Variants in RASGRF2 observed in about 807,000 individuals in gnomAD.
The protein encoded by RASGRF2 is ras-specific guanine nucleotide-releasing factor 2.
A neutral mutation model predicts 151.0 loss-of-function variants in RASGRF2; 76 were observed. The observed-to-expected ratio is 0.50, with a 90% confidence interval of 0.42 to 0.61. The LOEUF is 0.61. RASGRF2 is among the 20% of genes least tolerant of loss of function. The probability of loss-of-function intolerance (pLI) is 0.00; values close to 1 mark genes in which losing one functional copy is unlikely to be tolerated. For synonymous variants in RASGRF2, 504 were observed against 566.5 expected (o/e 0.89, Z 1.57); for missense variants, 1,148 against 1,564.6 (o/e 0.73, Z 4.49).
At chr5:81,097,213 G>A (rs576594236) in intron 12 of RASGRF2, among the ~76,000 whole-genome samples, 2 of 152,028 alleles carry the variant, frequency 1.3e-5, no homozygotes, top group African/African-American at 2.4e-5. Flanking sequence ...CTCCCGCCTC[G>A]GCCTCCCAAA....
chr5:81,136,934 G>A (rs368094432), intron 17 of RASGRF2, among the ~76,000 whole-genome samples: 1 of 151,650 alleles, frequency 6.6e-6, no homozygotes, highest in African/African-American at 2.4e-5. Context: ...CCGTGTCTGT[G>A]TTTTTTTATG....
chr5:81,144,162 G>A (rs1265259874), intron 17 of RASGRF2, among the ~76,000 whole-genome samples: 1 of 152,210 alleles, frequency 6.6e-6, no homozygotes, highest in East Asian at 1.9e-4. Context: ...TTAAAAGGAT[G>A]TGACAAGCTT....
chr5:81,162,549 T>C (rs149398949), intron 17 of RASGRF2, among the ~76,000 whole-genome samples: 1 of 148,918 alleles, frequency 6.7e-6, no homozygotes, highest in African/African-American at 2.5e-5. Context: ...GGTTTCACCA[T>C]TTTGGTCAGG....
rs145295769 is a variant in RASGRF2, at chr5:81,213,237, GCT to G, written c.3354+675_3354+676del. Among the ~76,000 whole-genome samples, 246 of 152,222 alleles carry G rather than the reference GCT, an allele frequency of 1.6e-3. 1 individual carries two copies. Among genetic ancestry groups the G allele is most frequent in the African/African-American group, 5.8e-3 (242 of 41,526 alleles). ...TTTGCTGATGATTCATTGGGTACAG[GCT>G]GCTGTGAATTGCCTGTACCTGGTGT... is the stretch of plus-strand genomic sequence containing the variant. On this transcript the variant is annotated intron_variant, in intron 23 of 26. Coordinates refer to ENST00000265080, the MANE Select transcript of RASGRF2 (RefSeq NM_006909.3).
intron 23 of RASGRF2, among the ~76,000 whole-genome samples, chr5:81,214,806 C>T (rs1394042865): frequency 6.6e-6 from 1 of 152,222 alleles, no homozygotes; most frequent in African/African-American, 2.4e-5. Flanking sequence ...GCCACCCTAC[C>T]ACTCTCCTAT....
chr5:81,143,628 A>G (rs1753935755), intron 17 of RASGRF2, among the ~76,000 whole-genome samples: 1 of 152,042 alleles, frequency 6.6e-6, no homozygotes, highest in Admixed American at 6.5e-5. Flanking sequence ...ACGGTGGTGC[A>G]CGCCTATAAT....
chr5:81,050,075 C>G (rs73127143), intron 2 of RASGRF2, among the ~76,000 whole-genome samples: 2,607 of 152,256 alleles, frequency 0.017, 53 homozygotes, highest in African/African-American at 0.059. Context: ...TCCCCTGACC[C>G]CAGCCTAACT....
intron 1 of RASGRF2, among the ~76,000 whole-genome samples, chr5:81,020,918 G>C (rs907345117): frequency 2.0e-5 from 3 of 152,186 alleles, no homozygotes; most frequent in African/African-American, 7.2e-5. Context: ...AGGAAACTCA[G>C]GTTCCAAAAG....
intron 19 of RASGRF2, among the ~76,000 whole-genome samples, chr5:81,202,131 T>C (rs542283685): frequency 2.6e-5 from 4 of 152,140 alleles, no homozygotes; most frequent in Non-Finnish European, 5.9e-5. Context: ...GGATTTTTTT[T>C]TTGTCCACTC....
At position 81,113,835 on chromosome 5, in the gene RASGRF2, A is replaced by C; in HGVS notation, c.2385A>C (p.Pro795=). Residue 795 remains proline, a synonymous_variant, in exon 15 of 27, where the codon CCA becomes CCC. Transcript: ENST00000265080. ...PLDLSRGLSS[P]EQSPGTVEEN... ...ATCTCAGCAGAGGCCTCTCTTCTCCAGAGCAAAGCCCGGGAACGGTAGAAG... is the reference window on the plus strand; with the variant it reads ...ATCTCAGCAGAGGCCTCTCTTCTCCCGAGCAAAGCCCGGGAACGGTAGAAG... 1 of 1,614,216 alleles carries C rather than the reference A, an allele frequency of 6.2e-7. No individual in the cohort carries two copies. The highest frequency in any genetic ancestry group is 8.5e-7 in the Non-Finnish European group (1 of 1,180,020).
intron 1 of RASGRF2, among the ~76,000 whole-genome samples, chr5:81,029,221 G>T (rs1002277724): frequency 6.6e-6 from 1 of 152,214 alleles, no homozygotes; most frequent in African/African-American, 2.4e-5. Flanking sequence ...CACCTCTGAG[G>T]GCAGGGCATA....
intron 1 of RASGRF2, among the ~76,000 whole-genome samples, chr5:81,039,101 A>T (rs1202140159): frequency 6.6e-6 from 1 of 152,154 alleles, no homozygotes; most frequent in Non-Finnish European, 1.5e-5. Context: ...TTACTTTCTA[A>T]AAGTTTTAAA....
chr5:81,011,465 G>A (rs890084337), intron 1 of RASGRF2, among the ~76,000 whole-genome samples: 5 of 152,110 alleles, frequency 3.3e-5, no homozygotes, highest in African/African-American at 9.7e-5. Context: ...CTTGGGGCCC[G>A]GCACGGTGGC....
intron 23 of RASGRF2, among the ~76,000 whole-genome samples, chr5:81,213,300 T>C (rs1476038921): frequency 1.3e-5 from 2 of 152,168 alleles, no homozygotes; most frequent in Non-Finnish European, 2.9e-5. Flanking sequence ...GAACAATGCA[T>C]GGTGATTGCA....
intron 17 of RASGRF2, among the ~76,000 whole-genome samples, chr5:81,152,376 T>A (rs973698806): frequency 6.6e-6 from 1 of 151,890 alleles, no homozygotes. Flanking sequence ...TGCTAATAAT[T>A]TGAAGTTGTC....
chr5:81,197,802 G>A (rs1755300334), intron 18 of RASGRF2, among the ~76,000 whole-genome samples: 1 of 152,168 alleles, frequency 6.6e-6, no homozygotes. Context: ...TACATATAAA[G>A]ATATAGTCTA....
intron 1 of RASGRF2, among the ~76,000 whole-genome samples, chr5:81,011,906 T>C (rs1749475547): frequency 6.6e-6 from 1 of 152,218 alleles, no homozygotes; most frequent in African/African-American, 2.4e-5. Flanking sequence ...TTTCTTTTTC[T>C]TTTAGAGTAA....
intron 17 of RASGRF2, among the ~76,000 whole-genome samples, chr5:81,130,718 A>G (rs1753594680): frequency 7.0e-6 from 1 of 142,150 alleles, no homozygotes; most frequent in African/African-American, 2.8e-5. Context: ...GGAATCAGGA[A>G]TTGCCAGCCC....
intron 2 of RASGRF2, among the ~76,000 whole-genome samples, chr5:81,056,611 T>C (rs1751222262): frequency 6.6e-6 from 1 of 152,186 alleles, no homozygotes; most frequent in Admixed American, 6.5e-5. Flanking sequence ...TCTGTTGATT[T>C]GGGGTGGAGA....
Sources: allele counts gnomAD v4.1 joint callset (sites outside exome capture counted in the v4.1 genomes callset), GRCh38; gene constraint gnomAD v4.1.1; transcripts MANE v1.5; gene names NCBI Gene and HGNC (gene_info 2026-07-23, HGNC 2026-07-21).